Variants in EXOC6 observed in about 807,000 individuals in gnomAD.
EXOC6 encodes the protein exocyst complex component 6.
A neutral mutation model predicts 112.5 loss-of-function variants in EXOC6; 60 were observed. That is an observed-to-expected ratio of 0.53 (90% confidence interval 0.43 to 0.66). The LOEUF (loss-of-function observed/expected upper bound fraction) is 0.66. Among genes scored for constraint, EXOC6 ranks in the 30% least tolerant of loss-of-function variants. The pLI, the probability that EXOC6 is intolerant of heterozygous loss-of-function variation, is 0.00. For synonymous variants in EXOC6, 295 were observed against 308.0 expected (o/e 0.96, Z 0.44); for missense variants, 855 against 957.1 (o/e 0.89, Z 1.41).
chr10:92,982,760 G>A (rs371457470), intron 18 of EXOC6, among the ~76,000 whole-genome samples: 1 of 152,038 alleles, frequency 6.6e-6, no homozygotes, highest in Non-Finnish European at 1.5e-5. Flanking sequence ...CTCTTTTCAG[G>A]TATTTCCTTT....
intron 1 of EXOC6, among the ~76,000 whole-genome samples, chr10:92,880,065 T>C (rs1848873794): frequency 6.6e-6 from 1 of 152,208 alleles, no homozygotes. Flanking sequence ...CATATTTTGA[T>C]GTGGTACTAA....
intron 20 of EXOC6, among the ~76,000 whole-genome samples, chr10:93,024,556 C>T (rs1284839357): frequency 6.6e-6 from 1 of 152,086 alleles, no homozygotes. Flanking sequence ...CTCAGCCTCC[C>T]GAGTAGCTGG....
intron 5 of EXOC6, among the ~76,000 whole-genome samples, chr10:92,908,105 G>A (rs1369859060): frequency 9.7e-5 from 11 of 113,736 alleles, no homozygotes; most frequent in Admixed American, 2.6e-4. Flanking sequence ...TGTCACCCAC[G>A]CTGGAATGCA....
chr10:93,000,090 C>G (rs1278146590), intron 19 of EXOC6, among the ~76,000 whole-genome samples: 4 of 152,188 alleles, frequency 2.6e-5, no homozygotes, highest in African/African-American at 9.6e-5. Context: ...TCATTACTAT[C>G]TGCAGTTTCA....
chr10:92,928,520 C>G, intron 9 of EXOC6, 98 bp downstream of exon 9: 1 of 700,948 alleles, frequency 1.4e-6, no homozygotes, highest in South Asian at 2.1e-5. Flanking sequence ...CATTCAACTA[C>G]AAATATTTAT....
intron 1 of EXOC6, among the ~76,000 whole-genome samples, chr10:92,854,902 T>G (rs1480067617): frequency 7.1e-6 from 1 of 140,774 alleles, no homozygotes; most frequent in Admixed American, 7.1e-5. Flanking sequence ...AGTATTTGGG[T>G]TTTTTCCCCC....
intron 13 of EXOC6, among the ~76,000 whole-genome samples, chr10:92,943,032 T>A (rs974879112): frequency 5.3e-5 from 8 of 152,100 alleles, no homozygotes; most frequent in African/African-American, 1.9e-4. Flanking sequence ...TAATTTTTTT[T>A]TTTTTTTGAG....
intron 17 of EXOC6, among the ~76,000 whole-genome samples, chr10:92,971,169 A>G (rs1317296277): frequency 6.6e-6 from 1 of 151,936 alleles, no homozygotes; most frequent in African/African-American, 2.4e-5. Flanking sequence ...CTCCTGCCTC[A>G]GCCTCCCGAG....
In EXOC6 at chr10:92,935,809, C is replaced by G. The variant is rs544335179; in HGVS notation, c.1141-5C>G. ...TTTGTTTTGTTTGTGTGTTTCCACC[C>G]TCAGTCCTATTGCACTGATCCTGAT... On this transcript the variant is annotated splice_region_variant and splice_polypyrimidine_tract_variant and intron_variant, in intron 11 of 21. Transcript: ENST00000260762. The G allele has an allele frequency of 4.4e-6, 7 of 1,597,460 alleles. No homozygotes were observed. The highest frequency in any genetic ancestry group is 5.1e-6 in the Non-Finnish European group (6 of 1,168,310).
At chr10:93,001,251 T>C (rs1032590914) in intron 19 of EXOC6, among the ~76,000 whole-genome samples, 6 of 152,204 alleles carry the variant, frequency 3.9e-5, no homozygotes, top group East Asian at 1.9e-4. Flanking sequence ...TAAAAGATCA[T>C]TGAGTTTCTT....
At chr10:92,926,544 G>C (rs1479216235) in intron 8 of EXOC6, among the ~76,000 whole-genome samples, 1 of 151,216 alleles carries the variant, frequency 6.6e-6, no homozygotes, top group Admixed American at 6.6e-5. Flanking sequence ...AAAAAAGAAA[G>C]AAAAAAAGAG....
At chr10:92,884,947 A>G (rs1849139104) in intron 1 of EXOC6, among the ~76,000 whole-genome samples, 1 of 152,188 alleles carries the variant, frequency 6.6e-6, no homozygotes, top group South Asian at 2.1e-4. Context: ...TCTTTCCAAA[A>G]AATTCAAGTG....
chr10:92,880,428 G>A (rs1848901088), intron 1 of EXOC6, among the ~76,000 whole-genome samples: 6 of 152,068 alleles, frequency 3.9e-5, no homozygotes, highest in African/African-American at 1.2e-4. Flanking sequence ...AGGGCCGACT[G>A]TACTTGGATT....
intron 1 of EXOC6, among the ~76,000 whole-genome samples, chr10:92,871,587 A>C (rs1016579117): frequency 6.6e-6 from 1 of 151,686 alleles, no homozygotes; most frequent in African/African-American, 2.4e-5. Context: ...CTGGAGGATC[A>C]CTTGAGTCTA....
intron 17 of EXOC6, among the ~76,000 whole-genome samples, chr10:92,958,961 G>C (rs1052174965): frequency 1.3e-5 from 2 of 152,046 alleles, no homozygotes; most frequent in Non-Finnish European, 2.9e-5. Flanking sequence ...GGGTGTGGTG[G>C]TGCGCACATG....
intron 17 of EXOC6, among the ~76,000 whole-genome samples, chr10:92,960,714 T>C (rs1381784089): frequency 6.6e-6 from 1 of 152,112 alleles, no homozygotes; most frequent in Non-Finnish European, 1.5e-5. Flanking sequence ...CTCTCAGTAC[T>C]GACTTTTAAC....
At chr10:93,011,335 C>T (rs1844236275) in intron 19 of EXOC6, among the ~76,000 whole-genome samples, 1 of 151,918 alleles carries the variant, frequency 6.6e-6, no homozygotes. Flanking sequence ...TGGCTCAGTG[C>T]AGCCTCAACC....
At chr10:92,881,698 C>G (rs1051499090) in intron 1 of EXOC6, among the ~76,000 whole-genome samples, 1 of 152,080 alleles carries the variant, frequency 6.6e-6, no homozygotes, top group Admixed American at 6.6e-5. Context: ...GGCTGTGTCC[C>G]CACTCAAATC....
At chr10:92,875,576 A>C (rs567404862) in intron 1 of EXOC6, among the ~76,000 whole-genome samples, 1 of 152,212 alleles carries the variant, frequency 6.6e-6, no homozygotes, top group Non-Finnish European at 1.5e-5. Context: ...CCATGAGTAC[A>C]ACAGACTTAG....
Sources: gnomAD v4.1 joint callset for allele counts (sites outside exome capture counted in the v4.1 genomes callset) on GRCh38, gnomAD v4.1.1 for gene constraint, MANE v1.5 for transcripts, NCBI Gene and HGNC (gene_info 2026-07-23, HGNC 2026-07-21) for gene names.